Variants in CREBZF observed in about 807,000 individuals in gnomAD.
CREBZF encodes CREB/ATF bZIP transcription factor, also known as HCF-binding transcription factor Zhangfei.
Under a neutral mutation model 21.1 loss-of-function variants are expected in CREBZF, and 8 were observed. That is an observed-to-expected ratio of 0.38 (90% CI 0.22 to 0.68). The LOEUF (loss-of-function observed/expected upper bound fraction) is 0.68. CREBZF is among the 30% of genes least tolerant of loss of function. CREBZF has a pLI of 0.51. For synonymous variants in CREBZF, 270 were observed against 223.3 expected, an observed-to-expected ratio of 1.21 and a Z score of -1.86; for missense variants, 518 against 484.3, an observed-to-expected ratio of 1.07 and a Z score of -0.65.
At position 85,665,070 on chromosome 11, in the gene CREBZF, A is replaced by C; in HGVS notation, c.-195T>G. The C allele has an allele frequency of 6.8e-6, 3 of 439,394 alleles. No individual in the cohort carries two copies. The East Asian group carries it at 1.1e-4, about 15-fold the overall frequency. 27.2% of individuals were successfully genotyped at this position (439,394 alleles called of 1,614,324 possible). Reference sequence around the variant, plus strand: ...GGCGCGGGGAGGGACGGGAGAACGAAGCGGTGAGGCCCTGCGATGACTCGA... The same window carrying C: ...GGCGCGGGGAGGGACGGGAGAACGACGCGGTGAGGCCCTGCGATGACTCGA... On this transcript the variant is annotated 5_prime_UTR_variant, in exon 1 of 1. Coordinates refer to ENST00000527447, the MANE Select transcript of CREBZF (RefSeq NM_001039618.4).
intron 1 of CREBZF, among the ~76,000 whole-genome samples, chr11:85,681,549 C>G (rs2082976537): frequency 6.6e-6 from 1 of 152,204 alleles, no homozygotes; most frequent in Non-Finnish European, 1.5e-5. Context: ...TTAGGGCACC[C>G]TGAAGAGCTC....
chr11:85,658,994 C>A lies in CREBZF; in HGVS notation c.*4817G>T, dbSNP rs1329070968. Among the ~76,000 whole-genome samples the A allele has an allele frequency of 1.3e-5, 2 of 151,954 alleles. No homozygotes were observed. Among genetic ancestry groups the A allele is most frequent in the Admixed American group, 1.3e-4 (2 of 15,250 alleles). ...TGGTGTTGAGAGTACTGAGGCTACA[C>A]AGAGGTACTGAAATTCAAATCTGAA... On this transcript the variant is annotated 3_prime_UTR_variant, in exon 1 of 1. Coordinates refer to ENST00000527447, the MANE Select transcript of CREBZF (RefSeq NM_001039618.4).
chr11:85,663,707 C>G lies in CREBZF; in HGVS notation c.*104G>C. On this transcript the variant is annotated 3_prime_UTR_variant, in exon 1 of 1. Coordinates refer to ENST00000527447, the MANE Select transcript of CREBZF (RefSeq NM_001039618.4). ...TAAGATTCAATATTACTTTTTTTCT[C>G]TCCTCTGAAATGTGTCCGGTGAAGA... 6.2e-7 allele frequency: 1 copy of G among 1,603,746 alleles called. No homozygotes were observed. The highest frequency in any genetic ancestry group is 8.5e-7 in the Non-Finnish European group (1 of 1,175,120).
chr11:85,663,975 C>T lies in CREBZF; in HGVS notation c.901G>A (p.Ala301Thr). The change falls in exon 1 of 1, where the codon GCC becomes ACC. Residue 301 changes from alanine to threonine, a missense_variant. Ala to Thr is a moderately conservative substitution (Grantham distance 58). Around this residue, in one of 3 missense-constraint regions of CREBZF, gnomAD observed 114 missense variants for 134.1 expected, o/e 0.85. Coordinates refer to ENST00000527447, the MANE Select transcript of CREBZF (RefSeq NM_001039618.4). ...LTTSLFRDSP[A>T]GDHDYALPVG... Reference sequence around the variant, plus strand: ...GGCAGAGCGTAGTCGTGGTCACCGGCGGGCGAGTCTCTGAAGAGCGAGGTG... The same window carrying T: ...GGCAGAGCGTAGTCGTGGTCACCGGTGGGCGAGTCTCTGAAGAGCGAGGTG... 1.9e-6 allele frequency: 3 copies of T among 1,613,262 alleles called. No individual in the cohort carries two copies. Among genetic ancestry groups the T allele is most frequent in the Non-Finnish European group, 2.5e-6 (3 of 1,179,950 alleles).
At chr11:85,676,415 A>G (rs981642920) in intron 1 of CREBZF, among the ~76,000 whole-genome samples, 1 of 152,178 alleles carries the variant, frequency 6.6e-6, no homozygotes, top group Admixed American at 6.5e-5. Context: ...AAAACTTTAA[A>G]AATTTTAATT....
chr11:85,660,106 T>G lies in CREBZF; in HGVS notation c.*3705A>C, dbSNP rs1282873103. 3 of 153,672 alleles carry G rather than the reference T, an allele frequency of 2.0e-5. No homozygotes were observed. The highest frequency in any genetic ancestry group is 4.8e-5 in the African/African-American group (2 of 41,468). The allele number at this position is 153,672 out of a possible 1,614,324, so 9.5% of individuals were successfully genotyped here. On this transcript the variant is annotated 3_prime_UTR_variant, in exon 1 of 1. Coordinates refer to ENST00000527447, the MANE Select transcript of CREBZF (RefSeq NM_001039618.4). The stretch of plus-strand genomic sequence containing the variant: ...TATATTCTACTCAGCAGGGTGTCTG[T>G]CTGTACTCCAAATTAGCTCTCATGT...
chr11:85,682,622 T>A, intron 1 of CREBZF: 1 of 311,480 alleles, frequency 3.2e-6, no homozygotes. Context: ...CAACGCGATC[T>A]TCCAGACGCG....
At position 85,660,700 on chromosome 11, in the gene CREBZF, T is replaced by C. The variant is rs1223818932; in HGVS notation, c.*3111A>G. On this transcript the variant is annotated 3_prime_UTR_variant, in exon 1 of 1. Transcript: ENST00000527447. ...TGTTGGATTATATCAGAGGTGTGAC[T>C]ACATTTTAACAAAAGTGGACTTTTT... is the stretch of plus-strand genomic sequence containing the variant. 1 of 398,640 alleles carries C rather than the reference T, an allele frequency of 2.5e-6. No homozygotes were observed. The highest frequency in any genetic ancestry group is 2.1e-5 in the African/African-American group (1 of 46,706). 24.7% of individuals were successfully genotyped at this position (398,640 alleles called of 1,614,324 possible). A position where few individuals can be genotyped will look rare whatever the true frequency, so the allele number is the denominator to read the frequency against.
chr11:85,682,146 C>G (rs1162382439), intron 1 of CREBZF, among the ~76,000 whole-genome samples: 3 of 152,154 alleles, frequency 2.0e-5, no homozygotes, highest in Non-Finnish European at 4.4e-5. Flanking sequence ...TACCCAGGGC[C>G]TTAGGTTCAA....
chr11:85,678,093 C>T (rs2082952827), intron 1 of CREBZF, among the ~76,000 whole-genome samples: 1 of 152,044 alleles, frequency 6.6e-6, no homozygotes, highest in South Asian at 2.1e-4. Flanking sequence ...CATCTTTGGC[C>T]ATTGAGAGCC....
At position 85,665,128 on chromosome 11, in the gene CREBZF, T is replaced by C. The variant is rs1325778993; in HGVS notation, c.-253A>G. Reference sequence around the variant, plus strand: ...ACCCAGACAACGGCGTAGCCGGAAGTCAGTGGTTTTCGCCCCAGTCCCGCC... The same window carrying C: ...ACCCAGACAACGGCGTAGCCGGAAGCCAGTGGTTTTCGCCCCAGTCCCGCC... On this transcript the variant is annotated 5_prime_UTR_variant, in exon 1 of 1. Coordinates refer to ENST00000527447, the MANE Select transcript of CREBZF (RefSeq NM_001039618.4). 2.4e-6 allele frequency: 1 copy of C among 411,504 alleles called. No individual in the cohort carries two copies. Among genetic ancestry groups the C allele is most frequent in the East Asian group, 3.6e-5 (1 of 27,476 alleles). The allele number at this position is 411,504 out of a possible 1,614,324, so 25.5% of individuals were successfully genotyped here.
Position 85,664,054 on chromosome 11 carries a change from C to T in CREBZF, c.822G>A (p.Glu274=), listed in dbSNP as rs778872228. 2.5e-6 allele frequency: 4 copies of T among 1,613,564 alleles called. No individual in the cohort carries two copies. The Admixed American group carries it at 5.0e-5, about 20-fold the overall frequency. ...SRYLRAVLAN[E]TGLARLLSRL... is the part of the protein sequence containing the mutation. ...GGCTCAGCAAGCGAGCCAGTCCAGT[C>T]TCGTTGGCTAAGACTGCCCGTAGGT... Residue 274 remains glutamate (E), a synonymous_variant, in exon 1 of 1, where the codon GAG becomes GAA. Coordinates refer to ENST00000527447, the MANE Select transcript of CREBZF (RefSeq NM_001039618.4). This position sits in a 1 kb window ranked among gnomAD's most constrained non-coding sequence, Gnocchi z 5.5.
Position 85,662,552 on chromosome 11 carries a change from A to G in CREBZF, c.*1259T>C. 1 of 629,482 alleles carries G rather than the reference A, an allele frequency of 1.6e-6. No homozygotes were observed. Among genetic ancestry groups the G allele is most frequent in the South Asian group, 1.8e-5 (1 of 55,470 alleles). The allele number at this position is 629,482 out of a possible 1,614,324, so 39.0% of individuals were successfully genotyped here. ...AATTTCTTAATGCCTCTTACACTGA[A>G]GGACACCATAATTCAATTTATACAA... On this transcript the variant is annotated 3_prime_UTR_variant, in exon 1 of 1. Coordinates refer to ENST00000527447, the MANE Select transcript of CREBZF (RefSeq NM_001039618.4).
chr11:85,677,534 T>C (rs2082950317), intron 1 of CREBZF, among the ~76,000 whole-genome samples: 1 of 152,224 alleles, frequency 6.6e-6, no homozygotes, highest in Non-Finnish European at 1.5e-5. Flanking sequence ...ATGTCCCATA[T>C]TCTAGATTTG....
chr11:85,659,693 TAAAAC>T lies in CREBZF; in HGVS notation c.*4113_*4117del, dbSNP rs1041236743. On this transcript the variant is annotated 3_prime_UTR_variant, in exon 1 of 1. Coordinates refer to ENST00000527447, the MANE Select transcript of CREBZF (RefSeq NM_001039618.4). ...TTAACATAATCCAACAAAAATGAAA[TAAAAC>T]AATCCAGAGTTTTGAGTGTTTTTTC... The T allele has an allele frequency of 2.6e-5, 4 of 151,892 alleles. No individual in the cohort carries two copies. The highest frequency in any genetic ancestry group is 4.4e-5 in the Non-Finnish European group (3 of 67,884). The allele number at this position is 151,892 out of a possible 1,614,324, so 9.4% of individuals were successfully genotyped here.
chr11:85,671,897 T>C (rs2082914219), intron 1 of CREBZF, among the ~76,000 whole-genome samples: 1 of 152,192 alleles, frequency 6.6e-6, no homozygotes, highest in African/African-American at 2.4e-5. Context: ...ATGGTGACCC[T>C]CTTCTCACAG....
In CREBZF at chr11:85,660,082, A is replaced by T. The variant is rs1364439475; in HGVS notation, c.*3729T>A. On this transcript the variant is annotated 3_prime_UTR_variant, in exon 1 of 1. Transcript: ENST00000527447. ...AGTTCAGAACTTTACATTAACTTTT[A>T]TATTCTACTCAGCAGGGTGTCTGTC... 6.6e-6 allele frequency: 1 copy of T among 152,562 alleles called. No individual in the cohort carries two copies. The highest frequency in any genetic ancestry group is 1.5e-5 in the Non-Finnish European group (1 of 68,302). 9.5% of individuals were successfully genotyped at this position (152,562 alleles called of 1,614,324 possible).
At chr11:85,669,081 C>T (rs1200861676), upstream of CREBZF, among the ~76,000 whole-genome samples, 1 of 103,378 alleles carries the variant, frequency 9.7e-6, no homozygotes, top group Non-Finnish European at 2.1e-5. Flanking sequence ...GAGATTTTAA[C>T]AACATGAATG....
rs1262598993 is a variant in CREBZF, at chr11:85,659,829, A to G, written c.*3982T>C. 6.6e-6 allele frequency: 1 copy of G among 152,074 alleles called. No individual in the cohort carries two copies. The highest frequency in any genetic ancestry group is 1.5e-5 in the Non-Finnish European group (1 of 67,942). 9.4% of individuals were successfully genotyped at this position (152,074 alleles called of 1,614,324 possible). A position where few individuals can be genotyped will look rare whatever the true frequency, so the allele number is the denominator to read the frequency against. On this transcript the variant is annotated 3_prime_UTR_variant, in exon 1 of 1. Coordinates refer to ENST00000527447, the MANE Select transcript of CREBZF (RefSeq NM_001039618.4). ...AAAGTCCTTATACAACACTAGATAAATTTTTATATAAAACAGTAGAAACTA... is the reference window on the plus strand; with the variant it reads ...AAAGTCCTTATACAACACTAGATAAGTTTTTATATAAAACAGTAGAAACTA...
Sources: allele counts gnomAD v4.1 joint callset (sites outside exome capture counted in the v4.1 genomes callset), GRCh38; gene constraint gnomAD v4.1.1; regional missense constraint gnomAD v4.1.1; non-coding constraint Gnocchi (gnomAD v3.1); transcripts MANE v1.5; gene names NCBI Gene and HGNC (gene_info 2026-07-23, HGNC 2026-07-21).